Variants in CDH23 observed in about 807,000 individuals in gnomAD.
CDH23 encodes cadherin-23.
In CDH23, 189 loss-of-function variants were observed where a neutral mutation model predicts 317.1. That is an observed-to-expected ratio of 0.60 (90% CI 0.53 to 0.67). The LOEUF (loss-of-function observed/expected upper bound fraction) is 0.67. CDH23 is among the 30% of genes least tolerant of loss of function. The probability of loss-of-function intolerance (pLI) is 0.00; values close to 1 mark genes in which losing one functional copy is unlikely to be tolerated. For missense variants in CDH23, 4,401 were observed against 4,592.4 expected, an observed-to-expected ratio of 0.96 and a Z score of 1.20; for synonymous variants, 1,839 against 1,876.8, an observed-to-expected ratio of 0.98 and a Z score of 0.52.
intron 6 of CDH23, among the ~76,000 whole-genome samples, chr10:71,515,285 T>C (rs1854223142): frequency 1.3e-5 from 2 of 152,018 alleles, no homozygotes; most frequent in Non-Finnish European, 2.9e-5. Flanking sequence ...CGGTATTCTC[T>C]TCTGCTATTC....
intron 19 of CDH23, among the ~76,000 whole-genome samples, chr10:71,688,050 G>A (rs1413765808): frequency 6.6e-6 from 1 of 152,236 alleles, no homozygotes; most frequent in Non-Finnish European, 1.5e-5. Context: ...TATACAGAGG[G>A]CTCTGAGACT....
intron 27 of CDH23, among the ~76,000 whole-genome samples, chr10:71,709,763 A>G (rs748900508): frequency 6.6e-6 from 1 of 152,058 alleles, no homozygotes; most frequent in Non-Finnish European, 1.5e-5. Context: ...CTGTGTGTTG[A>G]TGTATTAGTC....
At chr10:71,784,530 T>A in intron 42 of CDH23, 110 bp downstream of exon 42, 1 of 1,443,904 alleles carries the variant, frequency 6.9e-7, no homozygotes, top group Non-Finnish European at 9.3e-7. Flanking sequence ...CAGGCTGCCC[T>A]GGAGCCAGGC....
intron 3 of CDH23, among the ~76,000 whole-genome samples, chr10:71,500,568 G>C (rs1000586912): frequency 1.3e-5 from 2 of 152,216 alleles, no homozygotes; most frequent in African/African-American, 2.4e-5. Flanking sequence ...CTTCAGACCA[G>C]GGTCCACCTG....
intron 1 of CDH23, among the ~76,000 whole-genome samples, chr10:71,422,396 C>T (rs540085628): frequency 5.8e-4 from 89 of 152,340 alleles, no homozygotes; most frequent in Admixed American, 1.3e-3. Flanking sequence ...CCCATTTCTT[C>T]ATCTGCAAAG....
intron 9 of CDH23, 39 bp from the exon 10 acceptor site, chr10:71,615,465 C>G (rs1861129090): frequency 6.7e-7 from 1 of 1,498,490 alleles, no homozygotes; most frequent in African/African-American, 1.4e-5. Flanking sequence ...CCCCCCTGCC[C>G]TGTGCCTGGT....
intron 44 of CDH23, among the ~76,000 whole-genome samples, chr10:71,787,757 A>G (rs1482645588): frequency 1.3e-5 from 2 of 152,214 alleles, no homozygotes; most frequent in East Asian, 1.9e-4. Context: ...TCCATGGTCT[A>G]TATACCACAT....
At chr10:71,548,414 T>G (rs139026401) in intron 6 of CDH23, among the ~76,000 whole-genome samples, 1 of 152,246 alleles carries the variant, frequency 6.6e-6, no homozygotes, top group African/African-American at 2.4e-5. Flanking sequence ...CGAATACGTC[T>G]TCTTTATCTT....
intron 3 of CDH23, among the ~76,000 whole-genome samples, chr10:71,477,137 G>C (rs1851831907): frequency 6.6e-6 from 1 of 152,166 alleles, no homozygotes. Context: ...TTGTGTGTCT[G>C]AGGGCTAAGC....
At chr10:71,713,368 G>T (rs745979251) in intron 28 of CDH23, 1 of 742,532 alleles carries the variant, frequency 1.3e-6, no homozygotes, top group Non-Finnish European at 2.5e-6. Context: ...CTCAGTTGCT[G>T]GGTGGGGAGG....
At chr10:71,750,873 T>G (rs1589395800) in intron 38 of CDH23, 1 of 185,526 alleles carries the variant, frequency 5.4e-6, no homozygotes, top group Non-Finnish European at 1.1e-5. Context: ...CCTGGGAGGG[T>G]GGCCCAGTGT....
At chr10:71,417,312 G>C (rs1045543157) in intron 1 of CDH23, among the ~76,000 whole-genome samples, 1 of 151,898 alleles carries the variant, frequency 6.6e-6, no homozygotes, top group African/African-American at 2.4e-5. Flanking sequence ...ACTGACCTCA[G>C]GTGATCCGCC....
chr10:71,437,591 TG>T (rs1474108181), intron 1 of CDH23, among the ~76,000 whole-genome samples: 1 of 152,224 alleles, frequency 6.6e-6, no homozygotes, highest in Non-Finnish European at 1.5e-5. Flanking sequence ...ATGTGTGTAA[TG>T]GGAACATATT....
intron 6 of CDH23, among the ~76,000 whole-genome samples, chr10:71,548,268 A>G (rs1856395427): frequency 6.6e-6 from 1 of 151,722 alleles, no homozygotes; most frequent in Admixed American, 6.6e-5. Context: ...GAGAGGGGAG[A>G]GTGTCTTTGT....
rs1564774619 is a variant in CDH23 at position 71,751,318 on chromosome 10, CG to C, written c.4845+9401del. 3.1e-6 allele frequency: 5 copies of C among 1,604,284 alleles called. No individual in the cohort carries two copies. ...GCAAGAAAAGGAGAAGCAAAGTGAA[CG>C]GGGCCCCTCTGCCCCTCACCCTCAA... On this transcript the variant is annotated intron_variant, in intron 38 of 69. Coordinates refer to ENST00000224721, the MANE Select transcript of CDH23 (RefSeq NM_022124.6). This position sits in a 1 kb window ranked among gnomAD's most constrained non-coding sequence, Gnocchi z 4.9.
chr10:71,486,905 G>C (rs1852381811), intron 3 of CDH23, among the ~76,000 whole-genome samples: 1 of 152,132 alleles, frequency 6.6e-6, no homozygotes, highest in African/African-American at 2.4e-5. Context: ...GGGAGCCCTG[G>C]GGAGGGGCTG....
chr10:71,506,050 T>A (rs1378086216), intron 3 of CDH23, among the ~76,000 whole-genome samples: 1 of 152,234 alleles, frequency 6.6e-6, no homozygotes, highest in South Asian at 2.1e-4. Context: ...ATTATTCAGC[T>A]GTTAAAAAGG....
Position 71,687,629 on chromosome 10 carries a change from T to A in CDH23, c.1987-18T>A. 6.2e-7 allele frequency: 1 copy of A among 1,613,430 alleles called. No individual in the cohort carries two copies. On this transcript the variant is annotated intron_variant, in intron 18 of 69. Transcript: ENST00000224721. ...TGCCTCCCTGCAGCCTCCTGCAACC[T>A]GTCTGTGTTCCTTCCAGGATGAGAA...
At chr10:71,551,591 T>A (rs952839684) in intron 6 of CDH23, among the ~76,000 whole-genome samples, 1 of 152,154 alleles carries the variant, frequency 6.6e-6, no homozygotes, top group Non-Finnish European at 1.5e-5. Flanking sequence ...TCTTAACAGA[T>A]GAGACCATGG....
Sources: gnomAD v4.1 joint callset for allele counts (sites outside exome capture counted in the v4.1 genomes callset) on GRCh38, gnomAD v4.1.1 for gene constraint, Gnocchi (gnomAD v3.1) non-coding constraint, MANE v1.5 for transcripts, NCBI Gene and HGNC (gene_info 2026-07-23, HGNC 2026-07-21) for gene names.